The following SAXO1 variants were observed in gnomAD, a reference collection of about 807,000 sequenced individuals.
The protein encoded by SAXO1 is stabilizer of axonemal microtubules 1.
A neutral mutation model predicts 17.5 loss-of-function variants in SAXO1; 21 were observed. The observed-to-expected ratio is 1.20, with a 90% confidence interval of 0.85 to 1.72. The LOEUF is 1.72. Ranked by LOEUF, SAXO1 falls within the 40% of genes most tolerant of loss-of-function variation. The pLI is 0.00. For missense variants in SAXO1, 843 were observed against 596.0 expected, an observed-to-expected ratio of 1.41 and a Z score of -4.32; for synonymous variants, 274 against 216.5, an observed-to-expected ratio of 1.27 and a Z score of -2.33.
At chr9:18,972,000 T>A (rs1832961286) in intron 1 of SAXO1, among the ~76,000 whole-genome samples, 1 of 152,202 alleles carries the variant, frequency 6.6e-6, no homozygotes, top group Non-Finnish European at 1.5e-5. Flanking sequence ...ATTTCTAGTA[T>A]AAAGAACCAC....
chr9:18,954,947 T>C (rs1160548507), intron 1 of SAXO1, among the ~76,000 whole-genome samples: 2 of 149,806 alleles, frequency 1.3e-5, no homozygotes, highest in African/African-American at 4.9e-5. Flanking sequence ...ATATAATAGG[T>C]TCCTCTAGAA....
At chr9:19,025,512 G>A (rs1835436730) in intron 1 of SAXO1, among the ~76,000 whole-genome samples, 1 of 152,146 alleles carries the variant, frequency 6.6e-6, no homozygotes, top group East Asian at 1.9e-4. Context: ...TTAAGTTGCA[G>A]ATACATGGCT....
chr9:18,974,360 T>C (rs1240015355), intron 1 of SAXO1, among the ~76,000 whole-genome samples: 3 of 152,258 alleles, frequency 2.0e-5, no homozygotes, highest in African/African-American at 7.2e-5. Flanking sequence ...GTGTATTATG[T>C]ATATGTGCAC....
chr9:18,983,501 T>G (rs1833478818), intron 1 of SAXO1, among the ~76,000 whole-genome samples: 1 of 152,176 alleles, frequency 6.6e-6, no homozygotes, highest in Non-Finnish European at 1.5e-5. Flanking sequence ...TCTAAATCCT[T>G]TGCTATTATT....
At chr9:18,944,630 G>A (rs557519428) in intron 2 of SAXO1, among the ~76,000 whole-genome samples, 13 of 152,320 alleles carry the variant, frequency 8.5e-5, no homozygotes, top group East Asian at 5.8e-4. Flanking sequence ...ATAGAGTAGG[G>A]AAGGCCAAGA....
chr9:18,980,741 C>T (rs548224408), intron 1 of SAXO1, among the ~76,000 whole-genome samples: 2 of 120,212 alleles, frequency 1.7e-5, no homozygotes, highest in South Asian at 2.8e-4. Flanking sequence ...AATAGCACCA[C>T]ATTTGCTTTG....
chr9:18,986,561 G>C (rs1261138531), intron 1 of SAXO1, among the ~76,000 whole-genome samples: 1 of 151,986 alleles, frequency 6.6e-6, no homozygotes, highest in Non-Finnish European at 1.5e-5. Flanking sequence ...GAAAAGAAGT[G>C]ACATTTTTCC....
intron 1 of SAXO1, among the ~76,000 whole-genome samples, chr9:19,008,645 T>C (rs988360641): frequency 5.9e-5 from 9 of 152,196 alleles, no homozygotes; most frequent in Non-Finnish European, 1.0e-4. Flanking sequence ...CCCAAATAAC[T>C]GTGCCAGCTG....
At chr9:18,982,235 A>C (rs1019535421) in intron 1 of SAXO1, among the ~76,000 whole-genome samples, 1 of 152,224 alleles carries the variant, frequency 6.6e-6, no homozygotes, top group African/African-American at 2.4e-5. Context: ...AGATAATGCA[A>C]ACCCATTGGC....
intron 1 of SAXO1, among the ~76,000 whole-genome samples, chr9:18,967,308 C>A (rs542811365): frequency 1.1e-4 from 16 of 152,226 alleles, no homozygotes; most frequent in Non-Finnish European, 1.5e-4. Flanking sequence ...TCAGAGTTGG[C>A]AGGCAGGAAC....
In SAXO1 at chr9:19,032,956, C is replaced by G. The variant is rs770845297; in HGVS notation, c.-48G>C. On this transcript the variant is annotated 5_prime_UTR_variant, in exon 1 of 4. Transcript: ENST00000380534. ...CGTCCCCTCAGAGCATCGCCAGCTGCAGCCGACTCCTAGACCCCAACCACC... is the reference window on the plus strand; with the variant it reads ...CGTCCCCTCAGAGCATCGCCAGCTGGAGCCGACTCCTAGACCCCAACCACC... 1.9e-6 allele frequency: 3 copies of G among 1,579,652 alleles called. No individual in the cohort carries two copies. Among genetic ancestry groups the G allele is most frequent in the Middle Eastern group, 1.7e-4 (1 of 5,948 alleles).
chr9:18,936,627 C>T (rs866844667), intron 3 of SAXO1, among the ~76,000 whole-genome samples: 6 of 152,194 alleles, frequency 3.9e-5, no homozygotes, highest in South Asian at 2.1e-4. Flanking sequence ...CTCTACAGGA[C>T]CCTGAAAAAC....
chr9:18,954,832 C>T (rs1230386755), intron 1 of SAXO1, among the ~76,000 whole-genome samples: 2 of 151,778 alleles, frequency 1.3e-5, no homozygotes, highest in Non-Finnish European at 2.9e-5. Flanking sequence ...TCATCTATGA[C>T]TCTCAGGCAA....
At chr9:19,032,038 G>A (rs1224680194) in intron 1 of SAXO1, among the ~76,000 whole-genome samples, 2 of 152,128 alleles carry the variant, frequency 1.3e-5, no homozygotes, top group Non-Finnish European at 2.9e-5. Flanking sequence ...GTCCTATGAG[G>A]TACGTATTGT....
intron 1 of SAXO1, among the ~76,000 whole-genome samples, chr9:19,006,125 T>C (rs1392495992): frequency 1.3e-5 from 2 of 152,130 alleles, no homozygotes; most frequent in Admixed American, 6.6e-5. Flanking sequence ...GAAAGAGAAA[T>C]GTTGGCAAGG....
At chr9:18,995,346 G>C (rs1035831604) in intron 1 of SAXO1, among the ~76,000 whole-genome samples, 7 of 152,178 alleles carry the variant, frequency 4.6e-5, no homozygotes, top group African/African-American at 1.7e-4. Context: ...ATTAATTCAG[G>C]GAACTTTCCA....
chr9:18,959,114 G>C (rs1832377378), intron 1 of SAXO1, among the ~76,000 whole-genome samples: 1 of 152,168 alleles, frequency 6.6e-6, no homozygotes, highest in African/African-American at 2.4e-5. Context: ...TGGGGACAAG[G>C]ACTCAGTGCT....
intron 1 of SAXO1, among the ~76,000 whole-genome samples, chr9:18,958,023 C>A (rs1466895339): frequency 1.3e-5 from 2 of 152,156 alleles, no homozygotes; most frequent in African/African-American, 4.8e-5. Flanking sequence ...TACTCCCTAC[C>A]TACACCTCGT....
intron 3 of SAXO1, among the ~76,000 whole-genome samples, chr9:18,939,194 T>C (rs543478657): frequency 3.9e-5 from 6 of 152,306 alleles, no homozygotes; most frequent in African/African-American, 1.4e-4. Context: ...GCAGTTTCAT[T>C]CCTCTATCCC....
Sources: allele counts gnomAD v4.1 joint callset (sites outside exome capture counted in the v4.1 genomes callset), GRCh38; gene constraint gnomAD v4.1.1; transcripts MANE v1.5; gene names NCBI Gene and HGNC (gene_info 2026-07-23, HGNC 2026-07-21).